The following ZMAT3 variants were observed in gnomAD, a reference collection of about 807,000 sequenced individuals.
ZMAT3 encodes the protein zinc finger matrin-type 3.
ZMAT3 carries 17 observed loss-of-function variants against 32.3 expected under a neutral mutation model. That is an observed-to-expected ratio of 0.53 (90% confidence interval 0.36 to 0.79). ZMAT3 has a LOEUF of 0.79. ZMAT3 is among the 30% of genes least tolerant of loss of function. ZMAT3 has a pLI of 0.00. For missense variants in ZMAT3, 329 were observed against 359.7 expected (o/e 0.91, Z 0.69); for synonymous variants, 120 against 133.1 (o/e 0.90, Z 0.68).
rs757510423 is a variant in ZMAT3 at position 179,027,657 on chromosome 3, A to G, written c.546T>C (p.Ser182=). The G allele has an allele frequency of 1.9e-6, 3 of 1,614,138 alleles. No homozygotes were observed. The highest frequency in any genetic ancestry group is 1.7e-6 in the Non-Finnish European group (2 of 1,180,022). Residue 182 remains serine (S), a synonymous_variant, in exon 4 of 6, where the codon AGT becomes AGC. Transcript: ENST00000311417. ...AKRLRLAEAQ[S]NSFSESSELG... Reference sequence around the variant, plus strand: ...ATGGCAATACCTACGAGAATGAGTTACTCTGAGCTTCCGCCAGCCGCAGCC... The same window carrying G: ...ATGGCAATACCTACGAGAATGAGTTGCTCTGAGCTTCCGCCAGCCGCAGCC...
chr3:179,029,331 C>T (rs530581537), intron 3 of ZMAT3, among the ~76,000 whole-genome samples: 1 of 152,260 alleles, frequency 6.6e-6, no homozygotes, highest in East Asian at 1.9e-4. Context: ...TCGCTGCAAG[C>T]ATTAAATGAC....
At chr3:179,052,166 A>G (rs1428851328) in intron 2 of ZMAT3, among the ~76,000 whole-genome samples, 1 of 152,242 alleles carries the variant, frequency 6.6e-6, no homozygotes, top group Non-Finnish European at 1.5e-5. Context: ...TAAACTAAAA[A>G]GCTTCTGCAC....
intron 2 of ZMAT3, among the ~76,000 whole-genome samples, chr3:179,042,675 G>A (rs1407016399): frequency 4.6e-5 from 7 of 152,228 alleles, no homozygotes; most frequent in Non-Finnish European, 1.0e-4. Flanking sequence ...AGACAAGGAT[G>A]CCCTCTCTCA....
chr3:179,049,925 G>A (rs1269275510), intron 2 of ZMAT3, among the ~76,000 whole-genome samples: 1 of 142,016 alleles, frequency 7.0e-6, no homozygotes, highest in African/African-American at 2.6e-5. Flanking sequence ...CTGGGAGGCA[G>A]AGCTGGCAGT....
chr3:179,040,922 G>C (rs1719887302), intron 2 of ZMAT3, among the ~76,000 whole-genome samples: 1 of 149,838 alleles, frequency 6.7e-6, no homozygotes, highest in African/African-American at 2.5e-5. Flanking sequence ...AAAAAGCAGG[G>C]GTAACAATCC....
chr3:179,048,607 ACTT>A (rs1384173225), intron 2 of ZMAT3, among the ~76,000 whole-genome samples: 2 of 152,238 alleles, frequency 1.3e-5, no homozygotes, highest in African/African-American at 4.8e-5. Context: ...CAGACAAAAA[ACTT>A]CTGAGAGAAT....
intron 2 of ZMAT3, among the ~76,000 whole-genome samples, chr3:179,038,963 G>A (rs1425659537): frequency 5.3e-5 from 8 of 152,256 alleles, no homozygotes; most frequent in African/African-American, 1.2e-4. Context: ...CACTGCTAGC[G>A]CAGCAGTCTG....
At chr3:179,052,947 G>A (rs1387843138) in intron 2 of ZMAT3, among the ~76,000 whole-genome samples, 2 of 151,944 alleles carry the variant, frequency 1.3e-5, no homozygotes, top group Admixed American at 1.3e-4. Context: ...GGCCAACATG[G>A]TGAAACCCCG....
chr3:179,049,557 C>T (rs745808354), intron 2 of ZMAT3, among the ~76,000 whole-genome samples: 1 of 152,124 alleles, frequency 6.6e-6, no homozygotes, highest in Non-Finnish European at 1.5e-5. Flanking sequence ...ATAACCTGCT[C>T]CTGAATGATT....
rs1450809013 is a variant in ZMAT3 at position 179,027,689 on chromosome 3, C to A, written c.514G>T (p.Ala172Ser). ...AQAHYQGKNHAKRLRLAEAQS... is the reference protein window; with the variant it reads ...AQAHYQGKNHSKRLRLAEAQS... Reference sequence around the variant, plus strand: ...GCTTCCGCCAGCCGCAGCCTCTTGGCATGATTCTTCCCTTGATAGTGAGCC... The same window carrying A: ...GCTTCCGCCAGCCGCAGCCTCTTGGAATGATTCTTCCCTTGATAGTGAGCC... The change falls in exon 4 of 6, where the codon GCC becomes TCC. Residue 172 changes from alanine (A) to serine (S), a missense_variant. Ala to Ser is a moderately conservative substitution (Grantham distance 99). Transcript: ENST00000311417. 3 of 1,614,222 alleles carry A rather than the reference C, an allele frequency of 1.9e-6. No homozygotes were observed. The highest frequency in any genetic ancestry group is 2.5e-6 in the Non-Finnish European group (3 of 1,180,050).
rs1057107557 is a variant in ZMAT3 at position 179,019,548 on chromosome 3, A to G, written c.*5469T>C. ...CAGAATCTAGCAGTGGTTATACTGC[A>G]AAGTTTTTTCAACTTTGATATATGT... On this transcript the variant is annotated 3_prime_UTR_variant, in exon 6 of 6. Coordinates refer to ENST00000311417, the MANE Select transcript of ZMAT3 (RefSeq NM_022470.4). 6.6e-6 allele frequency: 1 copy of G among 152,180 alleles called. No individual in the cohort carries two copies. The highest frequency in any genetic ancestry group is 2.4e-5 in the African/African-American group (1 of 41,450). 9.4% of individuals were successfully genotyped at this position (152,180 alleles called of 1,614,324 possible).
intron 2 of ZMAT3, among the ~76,000 whole-genome samples, chr3:179,065,119 C>G (rs1423718549): frequency 6.6e-6 from 1 of 152,136 alleles, no homozygotes; most frequent in Non-Finnish European, 1.5e-5. Flanking sequence ...CTTTATTATA[C>G]CCAAACTTTT....
At position 179,048,043 on chromosome 3, in the gene ZMAT3, C is replaced by T. The variant is rs530724138; in HGVS notation, c.271-17044G>A. ...CACTGAAAAGTCTCAGCAATAGAGT[C>T]GGACAAGTAGAAGAACTTCAGAGCT... On this transcript the variant is annotated intron_variant, in intron 2 of 5. Coordinates refer to ENST00000311417, the MANE Select transcript of ZMAT3 (RefSeq NM_022470.4). Among the ~76,000 whole-genome samples the T allele has an allele frequency of 1.1e-4, 16 of 152,214 alleles. No individual in the cohort carries two copies. The South Asian group carries it at 2.7e-3, about 26-fold the overall frequency.
chr3:179,058,558 C>T (rs1159272913), intron 2 of ZMAT3, among the ~76,000 whole-genome samples: 2 of 152,058 alleles, frequency 1.3e-5, no homozygotes, highest in Non-Finnish European at 2.9e-5. Context: ...AGATCGAGAC[C>T]ATCCTAGCTA....
In ZMAT3 at chr3:179,019,217, G is replaced by T. The variant is rs542517289; in HGVS notation, c.*5800C>A. ...AATAAACTTGTGTTTGAAAGGAATT[G>T]TCCTCCCTCACCCTAAGTACACACA... On this transcript the variant is annotated 3_prime_UTR_variant, in exon 6 of 6. Coordinates refer to ENST00000311417, the MANE Select transcript of ZMAT3 (RefSeq NM_022470.4). 2 of 151,864 alleles carry T rather than the reference G, an allele frequency of 1.3e-5. No individual in the cohort carries two copies. Among genetic ancestry groups the T allele is most frequent in the South Asian group, 4.2e-4 (2 of 4,810 alleles). The allele number at this position is 151,864 out of a possible 1,614,324, so 9.4% of individuals were successfully genotyped here. A position where few individuals can be genotyped will look rare whatever the true frequency, so the allele number is the denominator to read the frequency against.
At chr3:179,052,896 G>A (rs1657213795) in intron 2 of ZMAT3, among the ~76,000 whole-genome samples, 1 of 152,162 alleles carries the variant, frequency 6.6e-6, no homozygotes. Context: ...GAAAGGCAGA[G>A]GCAGGCGGAT....
chr3:179,051,405 C>CA (rs934863864), intron 2 of ZMAT3, among the ~76,000 whole-genome samples: 3 of 151,448 alleles, frequency 2.0e-5, no homozygotes, highest in African/African-American at 7.3e-5. Context: ...ACAATACCTA[C>CA]AAAAAAAATA....
At chr3:179,049,993 A>G (rs1394573942) in intron 2 of ZMAT3, among the ~76,000 whole-genome samples, 63 of 142,612 alleles carry the variant, frequency 4.4e-4, no homozygotes, top group African/African-American at 1.5e-3. Flanking sequence ...CTCCGTCTCA[A>G]AAAAAAAAAA....
chr3:179,025,382 T>C (rs1718812586), intron 5 of ZMAT3, among the ~76,000 whole-genome samples, 154 bp from the exon 6 acceptor site: 2 of 152,364 alleles, frequency 1.3e-5, no homozygotes, highest in African/African-American at 2.4e-5. Context: ...ATTTTTAAAA[T>C]TACAATTTTA....
Sources: gnomAD v4.1 joint callset for allele counts (sites outside exome capture counted in the v4.1 genomes callset) on GRCh38, gnomAD v4.1.1 for gene constraint, MANE v1.5 for transcripts, NCBI Gene and HGNC (gene_info 2026-07-23, HGNC 2026-07-21) for gene names.